TOP6BL: variants seen among roughly 807,000 people sequenced by gnomAD.
TOP6BL encodes the protein type 2 DNA topoisomerase 6 subunit B-like.
chr11:66,828,492 T>C, the TOP6BL span: 8 of 652,210 alleles, frequency 1.2e-5, no homozygotes, highest in Non-Finnish European at 2.6e-6. Context: ...AGCAAGGAAG[T>C]CTGTGAAACA....
the TOP6BL span, among the ~76,000 whole-genome samples, chr11:66,765,287 T>C: frequency 6.6e-6 from 1 of 152,242 alleles, no homozygotes; most frequent in South Asian, 2.1e-4. Context: ...TTAATTTAAC[T>C]GTTACTTTAA....
the TOP6BL span, chr11:66,744,800 C>G: frequency 7.9e-7 from 1 of 1,270,340 alleles, no homozygotes; most frequent in Non-Finnish European, 9.9e-7. Flanking sequence ...GGCGGAGTTC[C>G]AAGCCCGGGC....
the TOP6BL span, among the ~76,000 whole-genome samples, chr11:66,754,830 A>G: frequency 6.6e-6 from 1 of 152,212 alleles, no homozygotes; most frequent in African/African-American, 2.4e-5. Context: ...GACCATTTTC[A>G]AGTATCTTCT....
At chr11:66,843,268 G>A in the TOP6BL span, 1 of 1,602,692 alleles carries the variant, frequency 6.2e-7, no homozygotes, top group Non-Finnish European at 8.5e-7. Context: ...CCACCGATCC[G>A]GAGGCTGCGG....
chr11:66,796,228 T>G, the TOP6BL span: 1 of 1,328,212 alleles, frequency 7.5e-7, no homozygotes, highest in Middle Eastern at 1.8e-4. Context: ...TTAATTCATT[T>G]GTGCTCTTGA....
At chr11:66,784,313 G>A in the TOP6BL span, among the ~76,000 whole-genome samples, 16 of 151,742 alleles carry the variant, frequency 1.1e-4, no homozygotes, top group South Asian at 2.1e-4. Context: ...GATTACAGGC[G>A]TGAGCCACTG....
the TOP6BL span, chr11:66,800,729 C>G: frequency 3.3e-6 from 5 of 1,526,072 alleles, no homozygotes; most frequent in Non-Finnish European, 4.5e-6. Context: ...TAAGATGATG[C>G]TATGGCTCTG....
chr11:66,843,390 G>A, the TOP6BL span: 1 of 1,428,188 alleles, frequency 7.0e-7, no homozygotes, highest in South Asian at 1.5e-5. Context: ...GAGCCGCGCC[G>A]CGGCCTGACG....
chr11:66,779,138 G>A, the TOP6BL span, among the ~76,000 whole-genome samples: 1 of 152,140 alleles, frequency 6.6e-6, no homozygotes, highest in African/African-American at 2.4e-5. Flanking sequence ...AAAAGCAATG[G>A]CGACAAAAGC....
chr11:66,744,904 C>G, the TOP6BL span: 2 of 1,266,424 alleles, frequency 1.6e-6, no homozygotes, highest in Non-Finnish European at 1.0e-6. Context: ...AGGGGACGGC[C>G]GTGGCCGTGT....
At chr11:66,772,598 G>A in the TOP6BL span, among the ~76,000 whole-genome samples, 1 of 152,160 alleles carries the variant, frequency 6.6e-6, no homozygotes, top group African/African-American at 2.4e-5. Context: ...GCGAAACCCC[G>A]TCTCTACTAA....
the TOP6BL span, among the ~76,000 whole-genome samples, chr11:66,747,504 C>T: frequency 1.3e-5 from 2 of 151,816 alleles, no homozygotes; most frequent in Non-Finnish European, 2.9e-5. Context: ...AGCCACTGCG[C>T]TCAGCGTTGC....
the TOP6BL span, chr11:66,796,382 A>G: frequency 3.8e-6 from 6 of 1,569,752 alleles, no homozygotes; most frequent in Admixed American, 1.7e-5. Flanking sequence ...GTTCCTTTGT[A>G]CAATAATGAT....
chr11:66,793,470 G>GAGTCTTTC, the TOP6BL span, among the ~76,000 whole-genome samples: 2 of 119,778 alleles, frequency 1.7e-5, no homozygotes, highest in African/African-American at 3.2e-5. Flanking sequence ...TTTTTAGACA[G>GAGTCTTTC]AGTCTTTCTC....
chr11:66,771,721 C>CA, the TOP6BL span: 1 of 158,362 alleles, frequency 6.3e-6, no homozygotes, highest in African/African-American at 2.4e-5. Context: ...TGGCTGGTCT[C>CA]AGAAGCAGGA....
the TOP6BL span, among the ~76,000 whole-genome samples, chr11:66,822,278 T>TC: frequency 3.3e-5 from 5 of 152,070 alleles, no homozygotes; most frequent in African/African-American, 1.2e-4. Context: ...TTTTTTTTTT[T>TC]CCCAAATAGT....
At chr11:66,813,203 C>G in the TOP6BL span, among the ~76,000 whole-genome samples, 3 of 152,100 alleles carry the variant, frequency 2.0e-5, no homozygotes, top group Non-Finnish European at 4.4e-5. Context: ...ATATGATAAA[C>G]TTGAGGACAG....
At chr11:66,801,431 G>A in the TOP6BL span, among the ~76,000 whole-genome samples, 1 of 152,180 alleles carries the variant, frequency 6.6e-6, no homozygotes, top group East Asian at 1.9e-4. Flanking sequence ...CTTGGCTAGA[G>A]AGATAGTATG....
the TOP6BL span, among the ~76,000 whole-genome samples, chr11:66,778,763 T>C: frequency 6.6e-6 from 1 of 152,188 alleles, no homozygotes; most frequent in Admixed American, 6.5e-5. Context: ...CTTCAAACTA[T>C]TCTACAAGGC....
Sources: gnomAD v4.1 joint callset for allele counts (sites outside exome capture counted in the v4.1 genomes callset) on GRCh38, gnomAD v4.1.1 for gene constraint, MANE v1.5 for transcripts, NCBI Gene and HGNC (gene_info 2026-07-23, HGNC 2026-07-21) for gene names.